PDE4C: variants seen among roughly 807,000 people sequenced by gnomAD.
PDE4C encodes the protein phosphodiesterase 4C.
A neutral mutation model predicts 63.9 loss-of-function variants in PDE4C; 50 were observed. That is an observed-to-expected ratio of 0.78 (90% CI 0.62 to 0.99). The LOEUF (loss-of-function observed/expected upper bound fraction) is 0.99. PDE4C is among the 50% of genes least tolerant of loss of function. The pLI, the probability that PDE4C is intolerant of heterozygous loss-of-function variation, is 0.00. For missense variants in PDE4C, 777 were observed against 899.1 expected (o/e 0.86, Z 1.74); for synonymous variants, 377 against 385.1 (o/e 0.98, Z 0.25).
At chr19:18,241,086 T>A (rs1969027215) in intron 1 of PDE4C, among the ~76,000 whole-genome samples, 1 of 151,930 alleles carries the variant, frequency 6.6e-6, no homozygotes, top group Non-Finnish European at 1.5e-5. Flanking sequence ...GAAATGCAAG[T>A]GCTCTACAAG....
At chr19:18,251,701 C>CCCCGCCCCCGCCCCCGCCCCCGCCCCCG (rs1333743833), upstream of PDE4C, among the ~76,000 whole-genome samples, 1 of 142,292 alleles carries the variant, frequency 7.0e-6, no homozygotes, top group Admixed American at 7.1e-5. Context: ...CCGCCCCCGC[C>CCCCGCCCCCGCCCCCGCCCCCGCCCCCG]CTCGGCCTCC....
At chr19:18,251,981 C>T, upstream of PDE4C, 1 of 398,132 alleles carries the variant, frequency 2.5e-6, no homozygotes, top group Non-Finnish European at 4.4e-6. Flanking sequence ...CGGGGCTGTA[C>T]CTCCCCCTGG....
At chr19:18,219,462 C>T (rs1968365140) in intron 7 of PDE4C, 65 bp from the exon 8 acceptor site, 1 of 1,504,718 alleles carries the variant, frequency 6.6e-7, no homozygotes, top group Non-Finnish European at 8.9e-7. Flanking sequence ...GGCCTCAGGA[C>T]CTGAATTTTG....
intron 11 of PDE4C, 90 bp downstream of exon 11, chr19:18,218,059 G>T: frequency 2.1e-6 from 2 of 961,488 alleles, no homozygotes; most frequent in South Asian, 1.4e-5. Flanking sequence ...CTGGGCTCAG[G>T]GCAGATGGGA....
chr19:18,226,247 C>T, intron 1 of PDE4C, 23 bp downstream of exon 1: 1 of 1,544,094 alleles, frequency 6.5e-7, no homozygotes, highest in South Asian at 1.2e-5. Flanking sequence ...GGTGACCCCG[C>T]CAGGCCCTCT....
intron 1 of PDE4C, among the ~76,000 whole-genome samples, chr19:18,241,775 C>A (rs1969045274): frequency 6.6e-6 from 1 of 152,072 alleles, no homozygotes; most frequent in Non-Finnish European, 1.5e-5. Flanking sequence ...GTCTTGAAAT[C>A]CTGGGCTCAA....
chr19:18,226,381 C>A, exon 1 of PDE4C: 1 of 1,468,140 alleles, frequency 6.8e-7, no homozygotes, highest in South Asian at 1.3e-5. Context: ...GGAGCCGGGC[C>A]CGGGGACCGG....
intron 1 of PDE4C, among the ~76,000 whole-genome samples, chr19:18,242,233 T>C (rs1158667149): frequency 6.6e-6 from 1 of 151,774 alleles, no homozygotes; most frequent in African/African-American, 2.4e-5. Context: ...CCCAGCACTT[T>C]GGGAGGCCGA....
upstream of PDE4C, among the ~76,000 whole-genome samples, chr19:18,248,985 A>T (rs111893621): frequency 0.031 from 4,628 of 150,872 alleles, 97 homozygotes; most frequent in African/African-American, 0.054. Flanking sequence ...AGATCGTGTC[A>T]CTGCACTCCA....
rs745776431 is a variant in PDE4C at position 18,218,140 on chromosome 19, C to T, written c.1234+9G>A. Reference sequence around the variant, plus strand: ...TCTTCTCCTGCACCCACTTCCCACTCCTACTTACTGGTGTTAATCAGAAAC... The same window carrying T: ...TCTTCTCCTGCACCCACTTCCCACTTCTACTTACTGGTGTTAATCAGAAAC... On this transcript the variant is annotated intron_variant, in intron 11 of 14. Coordinates refer to ENST00000262805, the Ensembl canonical transcript of PDE4C. 4 of 1,606,798 alleles carry T rather than the reference C, an allele frequency of 2.5e-6. No homozygotes were observed. The highest frequency in any genetic ancestry group is 2.7e-5 in the African/African-American group (2 of 74,780).
At chr19:18,249,611 T>TCA (rs1355108626), upstream of PDE4C, among the ~76,000 whole-genome samples, 1 of 147,078 alleles carries the variant, frequency 6.8e-6, no homozygotes, top group Non-Finnish European at 1.5e-5. Context: ...TCTTGCTCTG[T>TCA]TGCCCAGGCT....
chr19:18,245,605 G>A (rs114321569), intron 1 of PDE4C, among the ~76,000 whole-genome samples: 2,873 of 152,268 alleles, frequency 0.019, 93 homozygotes, highest in African/African-American at 0.066. Context: ...TCCCGGAGAA[G>A]GCCCTCCTGC....
intron 1 of PDE4C, among the ~76,000 whole-genome samples, chr19:18,241,570 A>G (rs1248485552): frequency 6.7e-6 from 1 of 149,646 alleles, no homozygotes; most frequent in Non-Finnish European, 1.5e-5. Flanking sequence ...CCCGGCCAAG[A>G]CAGGGTCTTT....
chr19:18,235,981 C>A (rs570834033), upstream of PDE4C, among the ~76,000 whole-genome samples: 4 of 151,846 alleles, frequency 2.6e-5, no homozygotes, highest in Non-Finnish European at 5.9e-5. Context: ...TAGATGGAGT[C>A]GCCCAGGCTG....
Position 18,211,120 on chromosome 19 carries a change from G to A in PDE4C, c.1852C>T (p.Arg618Trp), listed in dbSNP as rs776743379. ...AACTGGAATCTGTCAGGCCCGTCCC[G>A]CTCGGGGTTGGTGAGGTCTGAGGGA... Residue 618 changes from arginine (R) to tryptophan (W), a missense_variant, in exon 15 of 15, where the codon CGG (arginine) becomes TGG (tryptophan). Transcript: ENST00000262805. The A allele has an allele frequency of 4.3e-6, 7 of 1,613,942 alleles. No individual in the cohort carries two copies. Among genetic ancestry groups the A allele is most frequent in the Admixed American group, 3.3e-5 (2 of 59,988 alleles).
intron 12 of PDE4C, among the ~76,000 whole-genome samples, chr19:18,214,969 CTT>C (rs1968127628): frequency 1.4e-5 from 2 of 139,666 alleles, no homozygotes; most frequent in South Asian, 2.3e-4. Flanking sequence ...AAAAAAAAAA[CTT>C]AACCCACCCA....
At position 18,215,403 on chromosome 19, in the gene PDE4C, A is replaced by G. The variant is rs1600064207; in HGVS notation, c.1389+1338T>C. Among the ~76,000 whole-genome samples the G allele has an allele frequency of 1.3e-5, 2 of 152,166 alleles. 1 individual carries two copies. Among genetic ancestry groups the G allele is most frequent in the South Asian group, 4.1e-4 (2 of 4,828 alleles). ...GCCGGAACTGTCTTTGCACAGATCA[A>G]GCACACAATAGGTGCTCAATAAATG... On this transcript the variant is annotated intron_variant, in intron 12 of 14. Transcript: ENST00000262805.
upstream of PDE4C, among the ~76,000 whole-genome samples, chr19:18,236,616 T>C (rs1421953604): frequency 1.3e-5 from 2 of 152,162 alleles, no homozygotes; most frequent in African/African-American, 4.8e-5. Context: ...TCCTCTGTTC[T>C]TCTCCATCAC....
At chr19:18,235,474 G>C (rs1216741630), upstream of PDE4C, among the ~76,000 whole-genome samples, 7 of 152,086 alleles carry the variant, frequency 4.6e-5, no homozygotes, top group Non-Finnish European at 1.0e-4. Flanking sequence ...CCCAGCCCTG[G>C]TGTTGTGTCT....
Sources: allele counts gnomAD v4.1 joint callset (sites outside exome capture counted in the v4.1 genomes callset), GRCh38; gene constraint gnomAD v4.1.1; transcripts MANE v1.5; gene names NCBI Gene and HGNC (gene_info 2026-07-23, HGNC 2026-07-21).